Variants in TRIP10 observed in about 807,000 individuals in gnomAD.
The protein encoded by TRIP10 is cdc42-interacting protein 4.
A neutral mutation model predicts 80.9 loss-of-function variants in TRIP10; 54 were observed. That is an observed-to-expected ratio of 0.67 (90% CI 0.54 to 0.84). The LOEUF (loss-of-function observed/expected upper bound fraction) is 0.84, where lower values mean the gene tolerates loss of function less well. TRIP10 is among the 40% of genes least tolerant of loss of function. The pLI is 0.00. For missense variants in TRIP10, 773 were observed against 815.3 expected (o/e 0.95, Z 0.63); for synonymous variants, 321 against 307.2 (o/e 1.04, Z -0.47).
rs981067258 is a variant in TRIP10 at position 6,746,569 on chromosome 19, G to A, written c.1262+8G>A. The stretch of plus-strand genomic sequence containing the variant: ...GAAGGAGGTTGACCAGAGGTAAGGT[G>A]GTGGGGTAGGGAAGGACAGGCAAGG... On this transcript the variant is annotated splice_region_variant and intron_variant, in intron 11 of 14. Transcript: ENST00000313244. This position sits in a 1 kb window ranked among gnomAD's most constrained non-coding sequence, Gnocchi z 6.2. 8 of 1,610,226 alleles carry A rather than the reference G, an allele frequency of 5.0e-6. No homozygotes were observed. The highest frequency in any genetic ancestry group is 6.8e-6 in the Non-Finnish European group (8 of 1,176,570).
chr19:6,741,171 G>A (rs761692543), intron 2 of TRIP10, 46 bp downstream of exon 2: 6 of 1,613,616 alleles, frequency 3.7e-6, no homozygotes, highest in Non-Finnish European at 4.2e-6. Flanking sequence ...CTGGGGCGAC[G>A]GGGAGCGGTG....
intron 4 of TRIP10, 23 bp from the exon 5 acceptor site, chr19:6,743,171 C>T (rs1968974992): frequency 1.2e-6 from 2 of 1,613,962 alleles, no homozygotes; most frequent in African/African-American, 1.3e-5. Context: ...CCCTGGCGAG[C>T]CTTATCACTC....
chr19:6,746,678 GGTCTTA>G lies in TRIP10; in HGVS notation c.1262+122_1262+127del. The G allele has an allele frequency of 1.5e-6, 1 of 658,754 alleles. No individual in the cohort carries two copies. The highest frequency in any genetic ancestry group is 2.1e-6 in the Non-Finnish European group (1 of 475,474). The allele number at this position is 658,754 out of a possible 1,614,324, so 40.8% of individuals were successfully genotyped here. ...TTTATTATATTTTATTTTGTGACAG[GGTCTTA>G]GTCTGTCGTCCAGGCTGGAGTGCAG... On this transcript the variant is annotated intron_variant, in intron 11 of 14. Transcript: ENST00000313244. The surrounding 1 kb of genome is among the most constrained non-coding windows in gnomAD (Gnocchi z 6.2).
In TRIP10 at chr19:6,751,245, G is replaced by T; in HGVS notation, c.*34G>T. On this transcript the variant is annotated 3_prime_UTR_variant, in exon 15 of 15. Transcript: ENST00000313244. ...AGAGACGGGAAGAGGGGGGCTGTCG[G>T]CTGCTGCTTCTGGGCCACGGGGAGC... is the stretch of plus-strand genomic sequence containing the variant. The T allele has an allele frequency of 6.2e-7, 1 of 1,613,236 alleles. No individual in the cohort carries two copies. The highest frequency in any genetic ancestry group is 8.5e-7 in the Non-Finnish European group (1 of 1,179,824).
At position 6,745,906 on chromosome 19, in the gene TRIP10, C is replaced by T; in HGVS notation, c.985-123C>T. 2 of 1,258,180 alleles carry T rather than the reference C, an allele frequency of 1.6e-6. No individual in the cohort carries two copies. Among genetic ancestry groups the T allele is most frequent in the South Asian group, 3.1e-5 (1 of 32,410 alleles). 77.9% of individuals were successfully genotyped at this position (1,258,180 alleles called of 1,614,324 possible). ...TTCTCCATTTTGTTTTTCCTTTTTC[C>T]TTTTTTTGCGTCCATCCGTCCATCC... On this transcript the variant is annotated intron_variant, in intron 9 of 14. Coordinates refer to ENST00000313244, the MANE Select transcript of TRIP10 (RefSeq NM_001288962.2). The surrounding 1 kb of genome is among the most constrained non-coding windows in gnomAD (Gnocchi z 7.2).
Position 6,746,484 on chromosome 19 carries a change from C to G in TRIP10, c.1185C>G (p.Pro395=). 1.2e-6 allele frequency: 2 copies of G among 1,614,082 alleles called. No homozygotes were observed. Among genetic ancestry groups the G allele is most frequent in the South Asian group, 2.2e-5 (2 of 91,086 alleles). Residue 395 remains proline, a synonymous_variant, in exon 11 of 15, where the codon CCC becomes CCG. Transcript: ENST00000313244. This position sits in a 1 kb window ranked among gnomAD's most constrained non-coding sequence, Gnocchi z 6.2. ...TGACCGAGGATTTTAGCCACTTGCC[C>G]CCAGAGCAGCAGCGAAAACGGCTTC... is the stretch of plus-strand genomic sequence containing the variant. ...TVVTEDFSHL[P]PEQQRKRLQQ...
At position 6,744,486 on chromosome 19, in the gene TRIP10, G is replaced by A; in HGVS notation, c.643-68G>A. 6.3e-7 allele frequency: 1 copy of A among 1,599,470 alleles called. No individual in the cohort carries two copies. The highest frequency in any genetic ancestry group is 1.1e-5 in the South Asian group (1 of 90,304). Reference sequence around the variant, plus strand: ...AGCGTGGAGCGCGATCATATTTGCAGAGTGAATCACTGTGCTTCTAGTCCC... The same window carrying A: ...AGCGTGGAGCGCGATCATATTTGCAAAGTGAATCACTGTGCTTCTAGTCCC... On this transcript the variant is annotated intron_variant, in intron 7 of 14. Coordinates refer to ENST00000313244, the MANE Select transcript of TRIP10 (RefSeq NM_001288962.2). This position sits in a 1 kb window ranked among gnomAD's most constrained non-coding sequence, Gnocchi z 4.9.
chr19:6,745,189 GGGTGGGGA>G lies in TRIP10; in HGVS notation c.984+207_984+214del, dbSNP rs1421260427. 2 of 745,802 alleles carry G rather than the reference GGGTGGGGA, an allele frequency of 2.7e-6. No homozygotes were observed. The highest frequency in any genetic ancestry group is 2.0e-5 in the South Asian group (1 of 50,776). 46.2% of individuals were successfully genotyped at this position (745,802 alleles called of 1,614,324 possible). On this transcript the variant is annotated intron_variant, in intron 9 of 14. Coordinates refer to ENST00000313244, the MANE Select transcript of TRIP10 (RefSeq NM_001288962.2). This position sits in a 1 kb window ranked among gnomAD's most constrained non-coding sequence, Gnocchi z 7.2. Reference sequence around the variant, plus strand: ...GTCCCCCGAGGCGAAGGCGGGGGCAGGGTGGGGAGGTGGGGAGGTCCGTGGCGTTTGTC... The same window carrying G: ...GTCCCCCGAGGCGAAGGCGGGGGCAGGGTGGGGAGGTCCGTGGCGTTTGTC...
chr19:6,739,917 C>G, intron 1 of TRIP10, 132 bp downstream of exon 1: 8 of 1,112,932 alleles, frequency 7.2e-6, no homozygotes, highest in Admixed American at 4.0e-5. Flanking sequence ...GCCCTCCACC[C>G]TCCGCTCTCT....
At position 6,745,075 on chromosome 19, in the gene TRIP10, GCCGCCTGAA is replaced by G; in HGVS notation, c.984+83_984+91del. ...TGGGGCCCCTATTGAGTCAGCCCCA[GCCGCCTGAA>G]CGCCGAGTCTCGGGCAGGAATTTTC... On this transcript the variant is annotated intron_variant, in intron 9 of 14. Coordinates refer to ENST00000313244, the MANE Select transcript of TRIP10 (RefSeq NM_001288962.2). The surrounding 1 kb of genome is among the most constrained non-coding windows in gnomAD (Gnocchi z 7.2). 6.7e-7 allele frequency: 1 copy of G among 1,490,224 alleles called. No individual in the cohort carries two copies. The allele number at this position is 1,490,224 out of a possible 1,614,324, so 92.3% of individuals were successfully genotyped here.
At position 6,743,482 on chromosome 19, in the gene TRIP10, T is replaced by A. The variant is rs1414849684; in HGVS notation, c.409-12T>A. The A allele has an allele frequency of 3.7e-6, 6 of 1,613,108 alleles. No individual in the cohort carries two copies. The highest frequency in any genetic ancestry group is 5.1e-6 in the Non-Finnish European group (6 of 1,179,474). ...TGGTGGCTCCCTCACTCCGGTTCTG[T>A]CCCCTACACAGAGTAAGCGTAAATT... On this transcript the variant is annotated splice_polypyrimidine_tract_variant and intron_variant, in intron 5 of 14. Coordinates refer to ENST00000313244, the MANE Select transcript of TRIP10 (RefSeq NM_001288962.2).
At chr19:6,740,926 T>C in intron 1 of TRIP10, 84 bp from the exon 2 acceptor site, 1 of 1,269,312 alleles carries the variant, frequency 7.9e-7, no homozygotes, top group South Asian at 1.3e-5. Flanking sequence ...TGGCCCTCCC[T>C]GGGAGTCTGG....
At chr19:6,740,888 A>C in intron 1 of TRIP10, 122 bp from the exon 2 acceptor site, 3 of 793,686 alleles carry the variant, frequency 3.8e-6, no homozygotes, top group East Asian at 2.7e-5. Flanking sequence ...GGCGCCGGGA[A>C]GCCACTCCTT....
Position 6,750,451 on chromosome 19 carries a change from T to C in TRIP10, c.1535+20T>C. The C allele has an allele frequency of 1.9e-6, 3 of 1,613,572 alleles. No homozygotes were observed. Among genetic ancestry groups the C allele is most frequent in the Non-Finnish European group, 2.5e-6 (3 of 1,179,798 alleles). Reference sequence around the variant, plus strand: ...GGAGAGGTGAGGGGTGACGTCAGAGTGGGTCTGTTCCCAGGGTCCCAGGAG... The same window carrying C: ...GGAGAGGTGAGGGGTGACGTCAGAGCGGGTCTGTTCCCAGGGTCCCAGGAG... On this transcript the variant is annotated intron_variant, in intron 13 of 14. Transcript: ENST00000313244.
At chr19:6,741,430 G>A (rs1968916260) in intron 3 of TRIP10, 149 bp downstream of exon 3, 2 of 961,002 alleles carry the variant, frequency 2.1e-6, no homozygotes, top group Non-Finnish European at 3.2e-6. Flanking sequence ...GGGATTATCT[G>A]GCTTGGAATC....
chr19:6,747,869 C>T (rs1472775294), intron 11 of TRIP10, among the ~76,000 whole-genome samples: 1 of 151,746 alleles, frequency 6.6e-6, no homozygotes, highest in Non-Finnish European at 1.5e-5. Flanking sequence ...CTTTGGGAGG[C>T]TGGGTAGAAG....
Position 6,743,075 on chromosome 19 carries a change from G to A in TRIP10, c.306G>A (p.Leu102=). 1 of 1,614,154 alleles carries A rather than the reference G, an allele frequency of 6.2e-7. No homozygotes were observed. The highest frequency in any genetic ancestry group is 1.3e-5 in the African/African-American group (1 of 75,034). Residue 102 remains leucine (L), a synonymous_variant, in exon 4 of 15, where the codon CTG becomes CTA. Coordinates refer to ENST00000313244, the MANE Select transcript of TRIP10 (RefSeq NM_001288962.2). ...ENLSVRVCLE[L]TKYSQEMKQE... ...TCAGTGTCCGTGTATGTCTTGAGCT[G>A]ACCAAGTACTCACAAGAGATGAAAC...
rs117660025 is a variant in TRIP10 at position 6,747,665 on chromosome 19, C to T, written c.1262+1104C>T. On this transcript the variant is annotated intron_variant, in intron 11 of 14. Coordinates refer to ENST00000313244, the MANE Select transcript of TRIP10 (RefSeq NM_001288962.2). ...AAAACTAGCTGGGCATTGTGGCACG[C>T]GCCTGTAATTCCAGCTACTCGGGAG... Among the ~76,000 whole-genome samples, 325 of 151,696 alleles carry T rather than the reference C, an allele frequency of 2.1e-3. 11 individuals are homozygous for T. In the East Asian group the frequency reaches 0.054, roughly 25 times the overall value.
Position 6,750,344 on chromosome 19 carries a change from T to A in TRIP10, c.1448T>A (p.Leu483Gln), listed in dbSNP as rs748738105. The A allele has an allele frequency of 1.2e-6, 2 of 1,613,888 alleles. No individual in the cohort carries two copies. Among genetic ancestry groups the A allele is most frequent in the Non-Finnish European group, 1.7e-6 (2 of 1,179,982 alleles). The change falls in exon 13 of 15, where the codon CTG (leucine) becomes CAG (glutamine). Residue 483 changes from leucine (L) to glutamine (Q), a missense_variant. Transcript: ENST00000313244. ...SRVLSNRGDS[L>Q]SRHARPPDPP... is the part of the protein sequence containing the mutation. The stretch of plus-strand genomic sequence containing the variant: ...GTCCTTAGCAACCGGGGAGACAGCC[T>A]GAGCCGGCACGCCCGGCCTCCCGAC...
Sources: gnomAD v4.1 joint callset for allele counts (sites outside exome capture counted in the v4.1 genomes callset) on GRCh38, gnomAD v4.1.1 for gene constraint, Gnocchi (gnomAD v3.1) non-coding constraint, MANE v1.5 for transcripts, NCBI Gene and HGNC (gene_info 2026-07-23, HGNC 2026-07-21) for gene names.